The following SDK1 variants were observed in gnomAD, a reference collection of about 807,000 sequenced individuals.
SDK1 encodes the protein sidekick cell adhesion molecule 1, also known as protein sidekick-1.
Under a neutral mutation model 245.5 loss-of-function variants are expected in SDK1, and 157 were observed. The observed-to-expected ratio is 0.64, with a 90% CI of 0.56 to 0.73. The LOEUF (loss-of-function observed/expected upper bound fraction) is 0.73, where lower values mean the gene tolerates loss of function less well. Among genes scored for constraint, SDK1 ranks in the 30% least tolerant of loss-of-function variants. SDK1 has a pLI of 0.00. For missense variants in SDK1, 3,583 were observed against 3,002.3 expected (o/e 1.19, Z -4.52); for synonymous variants, 1,647 against 1,278.5 (o/e 1.29, Z -6.15).
chr7:3,967,698 G>A (rs947008792), intron 10 of SDK1, among the ~76,000 whole-genome samples: 3 of 152,222 alleles, frequency 2.0e-5, no homozygotes, highest in East Asian at 1.9e-4. Context: ...CTTCTAGGGA[G>A]TGTGCAGCCT....
intron 16 of SDK1, among the ~76,000 whole-genome samples, chr7:4,014,722 C>T (rs943066272): frequency 1.3e-5 from 2 of 152,140 alleles, no homozygotes; most frequent in African/African-American, 4.8e-5. Flanking sequence ...TAAACGTTCT[C>T]CTGTTTATTT....
chr7:4,063,198 C>G (rs1436910911), intron 19 of SDK1, among the ~76,000 whole-genome samples: 10 of 152,090 alleles, frequency 6.6e-5, no homozygotes, highest in Admixed American at 5.9e-4. Flanking sequence ...TGTGTCTAAA[C>G]AAACCTAGAC....
At chr7:3,348,477 T>G (rs1015891129) in intron 1 of SDK1, among the ~76,000 whole-genome samples, 1 of 140,928 alleles carries the variant, frequency 7.1e-6, no homozygotes, top group Non-Finnish European at 1.6e-5. Context: ...CAACATGTTC[T>G]CGTAAGGGAG....
At chr7:3,398,323 C>A (rs1007475982) in intron 1 of SDK1, among the ~76,000 whole-genome samples, 3 of 151,990 alleles carry the variant, frequency 2.0e-5, no homozygotes, top group Non-Finnish European at 2.9e-5. Flanking sequence ...TAAGGTGTTG[C>A]GGAGAGGAAA....
In SDK1 at chr7:4,129,896, T is replaced by C. The variant is rs1471531393; in HGVS notation, c.3940-12T>C. 1.2e-6 allele frequency: 2 copies of C among 1,613,254 alleles called. No homozygotes were observed. The highest frequency in any genetic ancestry group is 2.2e-5 in the South Asian group (2 of 91,078). ...GCCTCCTGATAACCCTCGTGCTGTG[T>C]CGATACCACAGATCCTGTTCCGGGC... On this transcript the variant is annotated splice_polypyrimidine_tract_variant and intron_variant, in intron 26 of 44. Transcript: ENST00000404826.
chr7:3,995,985 A>G (rs1391213310), intron 14 of SDK1, among the ~76,000 whole-genome samples: 1 of 151,640 alleles, frequency 6.6e-6, no homozygotes, highest in Non-Finnish European at 1.5e-5. Context: ...ATATTTCAAC[A>G]CTCTCAAGCC....
At chr7:4,260,733 C>T (rs1304054276) in intron 44 of SDK1, among the ~76,000 whole-genome samples, 6 of 142,238 alleles carry the variant, frequency 4.2e-5, no homozygotes, top group African/African-American at 1.6e-4. Context: ...AGGATGTGTT[C>T]ATCGTCACCT....
chr7:4,266,260 A>G lies in SDK1; in HGVS notation c.*876A>G. 1.0e-6 allele frequency: 1 copy of G among 985,366 alleles called. No individual in the cohort carries two copies. The highest frequency in any genetic ancestry group is 4.7e-5 in the South Asian group (1 of 21,286). The allele number at this position is 985,366 out of a possible 1,614,324, so 61.0% of individuals were successfully genotyped here. On this transcript the variant is annotated 3_prime_UTR_variant, in exon 45 of 45. Coordinates refer to ENST00000404826, the MANE Select transcript of SDK1 (RefSeq NM_152744.4). ...CATTGTTAACCAGAGTATTTTTAAA[A>G]TCTTTTTATCTTTTTTTAAACTATG...
intron 1 of SDK1, chr7:3,338,631 C>A (rs888843742): frequency 1.6e-4 from 30 of 185,646 alleles, no homozygotes; most frequent in South Asian, 5.3e-4. Flanking sequence ...AACAAACAAA[C>A]AAAAAAAAAC....
chr7:3,845,079 C>T (rs767932940), intron 5 of SDK1, among the ~76,000 whole-genome samples: 6 of 152,140 alleles, frequency 3.9e-5, no homozygotes, highest in Non-Finnish European at 7.3e-5. Flanking sequence ...GGTGCAGCTT[C>T]GGAGAGCGGA....
intron 5 of SDK1, among the ~76,000 whole-genome samples, chr7:3,858,036 C>T (rs1265411128): frequency 2.6e-5 from 4 of 152,242 alleles, no homozygotes; most frequent in South Asian, 2.1e-4. Context: ...TTCGGTAAAT[C>T]ATGAAACTTG....
intron 19 of SDK1, among the ~76,000 whole-genome samples, chr7:4,054,855 A>G (rs568436899): frequency 3.3e-5 from 5 of 152,220 alleles, no homozygotes; most frequent in South Asian, 4.1e-4. Context: ...ATCATTTGAC[A>G]TGATCATCTG....
chr7:4,119,339 C>A (rs985620948), intron 25 of SDK1, among the ~76,000 whole-genome samples: 1 of 147,964 alleles, frequency 6.8e-6, no homozygotes, highest in Non-Finnish European at 1.5e-5. Context: ...CCTGTAGTCC[C>A]AGCTACTTGG....
At chr7:3,524,767 C>T (rs1783064530) in intron 1 of SDK1, among the ~76,000 whole-genome samples, 5 of 152,038 alleles carry the variant, frequency 3.3e-5, no homozygotes, top group Middle Eastern at 3.4e-3. Flanking sequence ...ACAGGCATTT[C>T]GATGTACAAA....
intron 1 of SDK1, among the ~76,000 whole-genome samples, chr7:3,543,694 A>C (rs910862817): frequency 7.9e-5 from 12 of 152,208 alleles, no homozygotes; most frequent in African/African-American, 2.2e-4. Flanking sequence ...TGTTACACGT[A>C]CTCATAGACA....
At chr7:3,758,907 A>G (rs116887822) in intron 4 of SDK1, among the ~76,000 whole-genome samples, 9 of 152,230 alleles carry the variant, frequency 5.9e-5, no homozygotes, top group Non-Finnish European at 1.3e-4. Context: ...CTATTTAAAA[A>G]TAACCGTGAG....
intron 4 of SDK1, among the ~76,000 whole-genome samples, chr7:3,763,897 A>G (rs778422445): frequency 2.6e-5 from 4 of 152,332 alleles, no homozygotes; most frequent in Middle Eastern, 3.4e-3. Flanking sequence ...TCCGTGTCCT[A>G]TAAGTCCATT....
intron 1 of SDK1, among the ~76,000 whole-genome samples, chr7:3,503,429 C>T (rs540016796): frequency 6.6e-6 from 1 of 151,852 alleles, no homozygotes; most frequent in Non-Finnish European, 1.5e-5. Flanking sequence ...CCCATAATCT[C>T]AACAAGTTTT....
rs1583236592 is a variant in SDK1, at chr7:3,621,300, T to C, written c.458+2061T>C. On this transcript the variant is annotated intron_variant, in intron 2 of 44. Coordinates refer to ENST00000404826, the MANE Select transcript of SDK1 (RefSeq NM_152744.4). The stretch of plus-strand genomic sequence containing the variant: ...GAGTTCAGGGACTTGCTCTTCAACT[T>C]ACCGGTGTGACTTTGGACAAGTTAT... Among the ~76,000 whole-genome samples the C allele has an allele frequency of 2.0e-5, 3 of 152,170 alleles. No homozygotes were observed. The South Asian group carries it at 6.2e-4, about 32-fold the overall frequency.
Sources: gnomAD v4.1 joint callset for allele counts (sites outside exome capture counted in the v4.1 genomes callset) on GRCh38, gnomAD v4.1.1 for gene constraint, MANE v1.5 for transcripts, NCBI Gene and HGNC (gene_info 2026-07-23, HGNC 2026-07-21) for gene names.